Variants in ALKBH1 observed in about 807,000 individuals in gnomAD.
ALKBH1 encodes alkB homolog 1, histone H2A dioxygenase, also known as nucleic acid dioxygenase ALKBH1.
In ALKBH1, 31 loss-of-function variants were observed where a neutral mutation model predicts 36.6. The ratio of observed to expected loss-of-function variants is 0.85; its 90% CI spans 0.64 to 1.14. The LOEUF (loss-of-function observed/expected upper bound fraction) is 1.14, where lower values mean the gene tolerates loss of function less well. ALKBH1 is among the 50% of genes most tolerant of loss of function. ALKBH1 has a pLI of 0.00. For synonymous variants in ALKBH1, 183 were observed against 186.6 expected, an observed-to-expected ratio of 0.98 and a Z score of 0.16; for missense variants, 490 against 497.3, an observed-to-expected ratio of 0.99 and a Z score of 0.14.
intron 3 of ALKBH1, among the ~76,000 whole-genome samples, 167 bp from the exon 4 acceptor site, chr14:77,680,137 A>G (rs1417116401): frequency 6.6e-6 from 1 of 152,262 alleles, no homozygotes; most frequent in East Asian, 1.9e-4. Flanking sequence ...ATACATTAAC[A>G]GAGAAAAACA....
chr14:77,680,266 G>A (rs988847815), intron 3 of ALKBH1, among the ~76,000 whole-genome samples: 15 of 152,266 alleles, frequency 9.9e-5, no homozygotes, highest in African/African-American at 3.4e-4. Context: ...ACAATGACAA[G>A]AGAAATGTCT....
chr14:77,680,740 C>A (rs187976911), intron 3 of ALKBH1, among the ~76,000 whole-genome samples: 1 of 142,348 alleles, frequency 7.0e-6, no homozygotes, highest in African/African-American at 2.7e-5. Context: ...AGTGCAATGG[C>A]GCGATCTTGG....
At chr14:77,699,471 C>T (rs772573350) in intron 2 of ALKBH1, among the ~76,000 whole-genome samples, 33 of 152,182 alleles carry the variant, frequency 2.2e-4, no homozygotes, top group Non-Finnish European at 1.2e-4. Flanking sequence ...AACTAGATGC[C>T]TACAAGTGTC....
chr14:77,672,584 G>T lies in ALKBH1; in HGVS notation c.*1228C>A, dbSNP rs745500543. 7 of 152,168 alleles carry T rather than the reference G, an allele frequency of 4.6e-5. No individual in the cohort carries two copies. The highest frequency in any genetic ancestry group is 7.2e-5 in the African/African-American group (3 of 41,430). 9.4% of individuals were successfully genotyped at this position (152,168 alleles called of 1,614,324 possible). A position where few individuals can be genotyped will look rare whatever the true frequency, so the allele number is the denominator to read the frequency against. ...GCTTCCAGCCAGTCCTCCACACAAGGAAGTTAGGATGTTTCAAAGAGCCCT... is the reference window on the plus strand; with the variant it reads ...GCTTCCAGCCAGTCCTCCACACAAGTAAGTTAGGATGTTTCAAAGAGCCCT... On this transcript the variant is annotated 3_prime_UTR_variant, in exon 6 of 6. Coordinates refer to ENST00000216489, the MANE Select transcript of ALKBH1 (RefSeq NM_006020.3).
chr14:77,695,696 C>A (rs2080323017), intron 2 of ALKBH1, among the ~76,000 whole-genome samples: 1 of 131,492 alleles, frequency 7.6e-6, no homozygotes, highest in Admixed American at 7.3e-5. Context: ...CAAATTCCTG[C>A]AGTTAGTGTC....
At position 77,674,217 on chromosome 14, in the gene ALKBH1, G is replaced by C. The variant is rs779098709; in HGVS notation, c.765C>G (p.Leu255=). The change falls in exon 6 of 6, where the codon CTC becomes CTG. Residue 255 remains leucine (L), a synonymous_variant. Coordinates refer to ENST00000216489, the MANE Select transcript of ALKBH1 (RefSeq NM_006020.3). ...SFSFGQSAIF[L]LGGLQRDEAP... ...CCTCATCCCTTTGAAGACCACCCAG[G>C]AGAAAGATGGCGGACTGTCCAAAGC... The C allele has an allele frequency of 6.2e-7, 1 of 1,608,506 alleles. No individual in the cohort carries two copies. The highest frequency in any genetic ancestry group is 2.2e-5 in the East Asian group (1 of 44,814).
intron 2 of ALKBH1, among the ~76,000 whole-genome samples, chr14:77,697,697 T>TA (rs57516221): frequency 0.21 from 21,749 of 104,834 alleles, 1,900 homozygotes; most frequent in Middle Eastern, 0.33. Context: ...TTTGCTGTAA[T>TA]AAAAAAAAAA....
intron 4 of ALKBH1, among the ~76,000 whole-genome samples, chr14:77,678,023 T>TA (rs1434586090): frequency 1.4e-5 from 2 of 142,836 alleles, no homozygotes; most frequent in South Asian, 4.3e-4. Context: ...CTATTTTTCT[T>TA]AGTCAATGAG....
chr14:77,704,588 T>C, intron 1 of ALKBH1, 111 bp from the exon 2 acceptor site: 2 of 808,216 alleles, frequency 2.5e-6, no homozygotes, highest in Non-Finnish European at 2.1e-6. Flanking sequence ...AGGATTCTTG[T>C]TTAAGATACA....
rs74065551 is a variant in ALKBH1, at chr14:77,697,408, C to T, written c.293-2508G>A. The T allele has an allele frequency of 5.0e-3, 844 of 167,734 alleles. 9 individuals carry two copies. The highest frequency in any genetic ancestry group is 0.019 in the African/African-American group (800 of 42,032). 10.4% of individuals were successfully genotyped at this position (167,734 alleles called of 1,614,324 possible). On this transcript the variant is annotated intron_variant, in intron 2 of 5. Transcript: ENST00000216489. ...CAATGGAGCTGCACATGCTCGCAGT[C>T]CCTGGGCTCTACCTTGGACACAGCA... is the stretch of plus-strand genomic sequence containing the variant.
At chr14:77,674,507 G>A (rs1030053249) in intron 5 of ALKBH1, among the ~76,000 whole-genome samples, 7 of 151,980 alleles carry the variant, frequency 4.6e-5, no homozygotes, top group African/African-American at 1.4e-4. Flanking sequence ...ATAAGCAAAT[G>A]GAGAACTTAG....
intron 3 of ALKBH1, among the ~76,000 whole-genome samples, chr14:77,681,189 T>C (rs557837118): frequency 1.3e-5 from 2 of 152,180 alleles, no homozygotes; most frequent in East Asian, 1.9e-4. Flanking sequence ...GCAAATGTAA[T>C]AGAAAGTCTA....
intron 2 of ALKBH1, 68 bp downstream of exon 2, chr14:77,704,301 C>T: frequency 4.3e-6 from 5 of 1,151,330 alleles, no homozygotes; most frequent in East Asian, 2.3e-5. Context: ...CACACAGTAC[C>T]TTCTTTGAAG....
Position 77,673,043 on chromosome 14 carries a change from CTTTAA to C in ALKBH1, c.*764_*768del, listed in dbSNP as rs1320158478. ...CTAAACCCCAAAGACAGATATAGAT[CTTTAA>C]TTTAAAATCAAGTGAGTTTATTCAT... On this transcript the variant is annotated 3_prime_UTR_variant, in exon 6 of 6. Coordinates refer to ENST00000216489, the MANE Select transcript of ALKBH1 (RefSeq NM_006020.3). The C allele has an allele frequency of 1.3e-5, 2 of 152,146 alleles. No individual in the cohort carries two copies. Among genetic ancestry groups the C allele is most frequent in the African/African-American group, 4.8e-5 (2 of 41,444 alleles). 9.4% of individuals were successfully genotyped at this position (152,146 alleles called of 1,614,324 possible).
rs954821914 is a variant in ALKBH1 at position 77,672,627 on chromosome 14, G to C, written c.*1185C>G. On this transcript the variant is annotated 3_prime_UTR_variant, in exon 6 of 6. Transcript: ENST00000216489. ...AGAGCCCTTATAATAAAACAATTTT[G>C]GCACATCATGTTTGTAGAAAGGAGC... 2.6e-5 allele frequency: 4 copies of C among 152,146 alleles called. No homozygotes were observed. The highest frequency in any genetic ancestry group is 4.4e-5 in the Non-Finnish European group (3 of 68,026). The allele number at this position is 152,146 out of a possible 1,614,324, so 9.4% of individuals were successfully genotyped here. A position where few individuals can be genotyped will look rare whatever the true frequency, so the allele number is the denominator to read the frequency against.
intron 2 of ALKBH1, among the ~76,000 whole-genome samples, chr14:77,702,705 G>A (rs1217994833): frequency 3.9e-5 from 6 of 152,048 alleles, no homozygotes; most frequent in East Asian, 1.9e-4. Context: ...AATTGCAGAC[G>A]AATCTATTCT....
chr14:77,697,637 G>T (rs1566816762), intron 2 of ALKBH1, among the ~76,000 whole-genome samples: 2 of 149,522 alleles, frequency 1.3e-5, no homozygotes, highest in African/African-American at 4.9e-5. Context: ...TTCATGTGCA[G>T]GTTTTTTGGG....
At chr14:77,696,175 C>T (rs988066887) in intron 2 of ALKBH1, among the ~76,000 whole-genome samples, 4 of 152,154 alleles carry the variant, frequency 2.6e-5, no homozygotes, top group African/African-American at 9.7e-5. Flanking sequence ...ACAATATGTG[C>T]CAGGCACTTT....
In ALKBH1 at chr14:77,674,147, A is replaced by ACATTATCATGATGTCACCAC; in HGVS notation, c.815_834dup (p.Ser279ValfsTer5). On this transcript the variant is annotated stop_gained and frameshift_variant, in exon 6 of 6. Transcript: ENST00000216489. LOFTEE classifies it high-confidence loss of function. ...TGGTTCAAGAGGCGGCTGAAACCCG[A>ACATTATCATGATGTCACCAC]CATTATCATGATGTCACCACTGTGC... 1 of 1,614,210 alleles carries ACATTATCATGATGTCACCAC rather than the reference A, an allele frequency of 6.2e-7. No individual in the cohort carries two copies. Among genetic ancestry groups the ACATTATCATGATGTCACCAC allele is most frequent in the Admixed American group, 1.7e-5 (1 of 60,022 alleles).
Sources: allele counts gnomAD v4.1 joint callset (sites outside exome capture counted in the v4.1 genomes callset), GRCh38; gene constraint gnomAD v4.1.1; transcripts MANE v1.5; gene names NCBI Gene and HGNC (gene_info 2026-07-23, HGNC 2026-07-21).